Variants in PRDM11 observed in about 807,000 individuals in gnomAD.
PRDM11 encodes the protein PR domain-containing protein 11.
In PRDM11, 20 loss-of-function variants were observed where a neutral mutation model predicts 97.8. The observed-to-expected ratio is 0.20, with a 90% CI of 0.14 to 0.30. The LOEUF (loss-of-function observed/expected upper bound fraction) is 0.30, where lower values mean the gene tolerates loss of function less well. Ranked by LOEUF, PRDM11 falls within the 10% of genes least tolerant of loss-of-function variation. The probability of loss-of-function intolerance (pLI) is 1.00; values close to 1 mark genes in which losing one functional copy is unlikely to be tolerated. For synonymous variants in PRDM11, 599 were observed against 637.7 expected, an observed-to-expected ratio of 0.94 and a Z score of 0.91; for missense variants, 1,139 against 1,555.2, an observed-to-expected ratio of 0.73 and a Z score of 4.50.
At chr11:45,183,550 C>G (rs1852595712) in intron 4 of PRDM11, among the ~76,000 whole-genome samples, 1 of 152,200 alleles carries the variant, frequency 6.6e-6, no homozygotes, top group African/African-American at 2.4e-5. Context: ...AACCCTTCAA[C>G]AAGACAGACA....
chr11:45,115,126 C>G (rs891414092), intron 1 of PRDM11, among the ~76,000 whole-genome samples: 1 of 149,294 alleles, frequency 6.7e-6, no homozygotes, highest in African/African-American at 2.4e-5. Context: ...TTATGGAGCT[C>G]ATAATGTATA....
chr11:45,162,821 T>A (rs1000044787), intron 1 of PRDM11, among the ~76,000 whole-genome samples: 1 of 152,234 alleles, frequency 6.6e-6, no homozygotes, highest in East Asian at 1.9e-4. Flanking sequence ...CCTGGCACCA[T>A]GCCTGACACA....
intron 1 of PRDM11, among the ~76,000 whole-genome samples, chr11:45,164,776 C>T (rs970676586): frequency 2.0e-5 from 3 of 152,144 alleles, no homozygotes; most frequent in African/African-American, 4.8e-5. Flanking sequence ...GGCAGAGAGA[C>T]CCCTGAGATC....
chr11:45,154,778 C>G (rs1427393563), intron 1 of PRDM11, among the ~76,000 whole-genome samples: 1 of 152,192 alleles, frequency 6.6e-6, no homozygotes, highest in Non-Finnish European at 1.5e-5. Flanking sequence ...CTTAAAACCC[C>G]CATTTTATAG....
Position 45,231,696 on chromosome 11 carries a change from C to A in PRDM11, c.*3537C>A, listed in dbSNP as rs1854401934. ...TGATTAATATGATCTGCTTTTCCTT[C>A]ATGGAGGACAAAGAAAAAATCCACT... On this transcript the variant is annotated 3_prime_UTR_variant, in exon 8 of 8. Transcript: ENST00000683152. 6.6e-6 allele frequency: 1 copy of A among 151,238 alleles called. No homozygotes were observed. Among genetic ancestry groups the A allele is most frequent in the Non-Finnish European group, 1.5e-5 (1 of 67,934 alleles). The allele number at this position is 151,238 out of a possible 1,614,324, so 9.4% of individuals were successfully genotyped here. A position where few individuals can be genotyped will look rare whatever the true frequency, so the allele number is the denominator to read the frequency against.
intron 1 of PRDM11, among the ~76,000 whole-genome samples, chr11:45,161,647 C>T (rs758277715): frequency 1.4e-4 from 22 of 152,248 alleles, no homozygotes; most frequent in African/African-American, 2.9e-4. Context: ...AGTCCCGGGA[C>T]GGCTCTGGGC....
intron 1 of PRDM11, among the ~76,000 whole-genome samples, chr11:45,101,323 C>T (rs550807957): frequency 6.6e-6 from 1 of 152,164 alleles, no homozygotes; most frequent in South Asian, 2.1e-4. Context: ...TTTGGGAGGC[C>T]GAGGTGGGCA....
chr11:45,131,005 T>C (rs1852707146), intron 1 of PRDM11, among the ~76,000 whole-genome samples: 1 of 152,190 alleles, frequency 6.6e-6, no homozygotes, highest in Admixed American at 6.5e-5. Flanking sequence ...ACAACTCAAA[T>C]GTCCATCAAC....
At position 45,226,420 on chromosome 11, in the gene PRDM11, C is replaced by G; in HGVS notation, c.1795C>G (p.Leu599Val). ...CCTGCTCTTCAACACCGCCTACCACCTGGCCTTGGAGGGCAGGCCCTACCT... is the reference window on the plus strand; with the variant it reads ...CCTGCTCTTCAACACCGCCTACCACGTGGCCTTGGAGGGCAGGCCCTACCT... ...MTLLFNTAYH[L>V]ALEGRPYLDF... The change falls in exon 8 of 8, where the codon CTG becomes GTG. Residue 599 changes from leucine (L) to valine (V), a missense_variant. By Grantham distance (32) the Leu-to-Val change is conservative (BLOSUM62 1). Transcript: ENST00000683152. The G allele has an allele frequency of 1.3e-6, 2 of 1,534,038 alleles. No homozygotes were observed. Among genetic ancestry groups the G allele is most frequent in the South Asian group, 2.4e-5 (2 of 83,976 alleles).
upstream of PRDM11, among the ~76,000 whole-genome samples, chr11:45,094,587 AGGGAGGGGAG>A (rs139677664): frequency 9.4e-5 from 8 of 84,850 alleles, no homozygotes; most frequent in Admixed American, 3.2e-4. Flanking sequence ...GGAGAAGGAA[AGGGAGGGGAG>A]GGGAGGGGAG....
rs1854394510 is a variant in PRDM11 at position 45,231,267 on chromosome 11, A to T, written c.*3108A>T. Reference sequence around the variant, plus strand: ...TTCTGTCCTGTGAATTCTGCATGTGATTACCCATGATTTCTGTCATAGGCA... The same window carrying T: ...TTCTGTCCTGTGAATTCTGCATGTGTTTACCCATGATTTCTGTCATAGGCA... On this transcript the variant is annotated 3_prime_UTR_variant, in exon 8 of 8. Coordinates refer to ENST00000683152, the MANE Select transcript of PRDM11 (RefSeq NM_001384648.1). The T allele has an allele frequency of 6.6e-6, 1 of 152,004 alleles. No homozygotes were observed. The highest frequency in any genetic ancestry group is 2.4e-5 in the African/African-American group (1 of 41,368). 9.4% of individuals were successfully genotyped at this position (152,004 alleles called of 1,614,324 possible).
intron 1 of PRDM11, among the ~76,000 whole-genome samples, chr11:45,123,126 C>G (rs530643390): frequency 1.2e-4 from 18 of 152,184 alleles, no homozygotes; most frequent in Middle Eastern, 3.4e-3. Flanking sequence ...TGTTTTTTGG[C>G]TGCATACATG....
At chr11:45,211,734 C>A (rs1788615730) in intron 5 of PRDM11, among the ~76,000 whole-genome samples, 1 of 152,098 alleles carries the variant, frequency 6.6e-6, no homozygotes, top group Non-Finnish European at 1.5e-5. Context: ...ACTCTTCCCC[C>A]CAAGTCCGCA....
rs377037136 is a variant in PRDM11, at chr11:45,209,405, C to A, written c.554+4627C>A. On this transcript the variant is annotated intron_variant, in intron 5 of 7. Transcript: ENST00000683152. ...TGGTTCTCTCCTGTCCCTCTCTGTC[C>A]AGCCCACTCTTTCCATCCTCCCCTC... is the stretch of plus-strand genomic sequence containing the variant. The A allele has an allele frequency of 4.6e-4, 150 of 323,322 alleles. 3 individuals carry two copies. The East Asian group carries it at 0.011, about 23-fold the overall frequency. The allele number at this position is 323,322 out of a possible 1,614,324, so 20.0% of individuals were successfully genotyped here.
At chr11:45,104,309 G>A (rs936233310) in intron 1 of PRDM11, among the ~76,000 whole-genome samples, 14 of 152,258 alleles carry the variant, frequency 9.2e-5, no homozygotes, top group African/African-American at 3.4e-4. Context: ...AGGCAGCAGG[G>A]CAGCACAGGG....
At chr11:45,202,014 G>T (rs757711961) in intron 4 of PRDM11, among the ~76,000 whole-genome samples, 1 of 152,032 alleles carries the variant, frequency 6.6e-6, no homozygotes, top group Non-Finnish European at 1.5e-5. Context: ...TCGCTATGTT[G>T]CCCAGGCTTG....
chr11:45,121,859 C>T (rs1267876377), intron 1 of PRDM11, among the ~76,000 whole-genome samples: 2 of 152,068 alleles, frequency 1.3e-5, no homozygotes, highest in Admixed American at 1.3e-4. Flanking sequence ...CCAAAGGAAA[C>T]ATTACAACAG....
chr11:45,107,192 G>A (rs1328897944), intron 1 of PRDM11, among the ~76,000 whole-genome samples: 1 of 152,214 alleles, frequency 6.6e-6, no homozygotes, highest in African/African-American at 2.4e-5. Context: ...GCCAGGACAG[G>A]TGACTATCTC....
chr11:45,225,099 G>A, intron 7 of PRDM11: 1 of 1,433,146 alleles, frequency 7.0e-7, no homozygotes, highest in South Asian at 1.5e-5. Context: ...GAAGGGGTGT[G>A]TGCTGTGTTC....
Sources: gnomAD v4.1 joint callset for allele counts (sites outside exome capture counted in the v4.1 genomes callset) on GRCh38, gnomAD v4.1.1 for gene constraint, MANE v1.5 for transcripts, NCBI Gene and HGNC (gene_info 2026-07-23, HGNC 2026-07-21) for gene names.